CEP44: variants seen among roughly 807,000 people sequenced by gnomAD.
CEP44 encodes the protein centrosomal protein of 44 kDa.
In CEP44, 45 loss-of-function variants were observed where a neutral mutation model predicts 46.7. The observed-to-expected ratio is 0.96, with a 90% CI of 0.76 to 1.24. The LOEUF (loss-of-function observed/expected upper bound fraction) is 1.24, where lower values mean the gene tolerates loss of function less well. Ranked by LOEUF, CEP44 falls within the 50% of genes most tolerant of loss-of-function variation. The pLI is 0.00. For missense variants in CEP44, 475 were observed against 459.7 expected, an observed-to-expected ratio of 1.03 and a Z score of -0.30; for synonymous variants, 142 against 146.0, an observed-to-expected ratio of 0.97 and a Z score of 0.20.
chr4:174,321,749 A>C (rs1300452920), downstream of CEP44, among the ~76,000 whole-genome samples: 1 of 152,092 alleles, frequency 6.6e-6, no homozygotes, highest in African/African-American at 2.4e-5. Flanking sequence ...ATGGTCTTAC[A>C]AACTTTTTCT....
intron 1 of CEP44, among the ~76,000 whole-genome samples, chr4:174,295,352 C>T (rs919697549): frequency 4.8e-5 from 7 of 146,800 alleles, no homozygotes; most frequent in South Asian, 4.4e-4. Flanking sequence ...CCAGACGGGG[C>T]GGCAGGGGCA....
chr4:174,318,951 A>G lies in CEP44; in HGVS notation c.*1568A>G. 1 of 231,812 alleles carries G rather than the reference A, an allele frequency of 4.3e-6. No homozygotes were observed. The highest frequency in any genetic ancestry group is 7.1e-6 in the Non-Finnish European group (1 of 141,140). The allele number at this position is 231,812 out of a possible 1,614,324, so 14.4% of individuals were successfully genotyped here. The stretch of plus-strand genomic sequence containing the variant: ...CAGCCTCCTGAGTAGCTGGGACTAT[A>G]GGCCTGTACCGTCATGCCTGGCTAA... On this transcript the variant is annotated 3_prime_UTR_variant, in exon 12 of 12. Transcript: ENST00000503780.
chr4:174,300,992 G>C lies in CEP44; in HGVS notation c.90-1047G>C, dbSNP rs569301572. On this transcript the variant is annotated intron_variant, in intron 3 of 11. Coordinates refer to ENST00000503780, the MANE Select transcript of CEP44 (RefSeq NM_001040157.3). ...CTGTTTTTGGACTGTGTTTCAGATA[G>C]ACAAGGTTGCCAGAGGAGTTTTCTG... Among the ~76,000 whole-genome samples the C allele has an allele frequency of 2.0e-5, 3 of 151,986 alleles. No homozygotes were observed. In the South Asian group the frequency reaches 6.2e-4, roughly 32 times the overall value.
intron 1 of CEP44, among the ~76,000 whole-genome samples, chr4:174,294,160 C>A (rs886883496): frequency 2.0e-5 from 3 of 150,284 alleles, no homozygotes; most frequent in African/African-American, 7.3e-5. Context: ...GAACAAAGGT[C>A]TCTGGTTTTC....
rs747133994 is a variant in CEP44 at position 174,317,395 on chromosome 4, T to C, written c.*12T>C. On this transcript the variant is annotated 3_prime_UTR_variant, in exon 12 of 12. Transcript: ENST00000503780. ...ATCACTACTTGTAGGATTTTCTACA[T>C]GAACTTTTTTCTAGGACTTTGGTTA... 2 of 1,415,316 alleles carry C rather than the reference T, an allele frequency of 1.4e-6. No individual in the cohort carries two copies. Among genetic ancestry groups the C allele is most frequent in the Non-Finnish European group, 1.9e-6 (2 of 1,067,618 alleles). 87.7% of individuals were successfully genotyped at this position (1,415,316 alleles called of 1,614,324 possible). A position where few individuals can be genotyped will look rare whatever the true frequency, so the allele number is the denominator to read the frequency against.
intron 5 of CEP44, 21 bp from the exon 6 acceptor site, chr4:174,304,226 G>T: frequency 6.4e-7 from 1 of 1,569,684 alleles, no homozygotes; most frequent in South Asian, 1.2e-5. Context: ...TTGTTATTTT[G>T]ACTAATACCT....
rs1560919061 is a variant in CEP44 at position 174,318,094 on chromosome 4, G to A, written c.*711G>A. 7.1e-6 allele frequency: 7 copies of A among 981,874 alleles called. No homozygotes were observed. The highest frequency in any genetic ancestry group is 9.4e-5 in the South Asian group (2 of 21,228). 60.8% of individuals were successfully genotyped at this position (981,874 alleles called of 1,614,324 possible). Reference sequence around the variant, plus strand: ...TTTTTGGAGGGGGGGATGGAGTTTCGCTGTTGTTGCCCAGGCTGGAGTGCA... The same window carrying A: ...TTTTTGGAGGGGGGGATGGAGTTTCACTGTTGTTGCCCAGGCTGGAGTGCA... On this transcript the variant is annotated 3_prime_UTR_variant, in exon 12 of 12. Coordinates refer to ENST00000503780, the MANE Select transcript of CEP44 (RefSeq NM_001040157.3).
chr4:174,298,410 C>T (rs1475927095), intron 2 of CEP44, among the ~76,000 whole-genome samples: 3 of 151,782 alleles, frequency 2.0e-5, no homozygotes, highest in Non-Finnish European at 4.4e-5. Context: ...CTCCTGACCT[C>T]CTGATCCGCC....
Position 174,309,010 on chromosome 4 carries a change from G to T in CEP44, c.678+151G>T. On this transcript the variant is annotated intron_variant, in intron 7 of 11. Coordinates refer to ENST00000503780, the MANE Select transcript of CEP44 (RefSeq NM_001040157.3). This position sits in a 1 kb window ranked among gnomAD's most constrained non-coding sequence, Gnocchi z 5.3. ...GTTACAATTACTGAAGTGTCAATAA[G>T]TCTTACTAAAATAATTCAACAAATA... The T allele has an allele frequency of 1.3e-6, 1 of 748,470 alleles. No homozygotes were observed. Among genetic ancestry groups the T allele is most frequent in the South Asian group, 1.8e-5 (1 of 56,444 alleles). The allele number at this position is 748,470 out of a possible 1,614,324, so 46.4% of individuals were successfully genotyped here.
chr4:174,310,155 A>C lies in CEP44; in HGVS notation c.885+99A>C, dbSNP rs530691766. On this transcript the variant is annotated intron_variant, in intron 8 of 11. Coordinates refer to ENST00000503780, the MANE Select transcript of CEP44 (RefSeq NM_001040157.3). This position sits in a 1 kb window ranked among gnomAD's most constrained non-coding sequence, Gnocchi z 4.2. ...TTTTTTGGAAATGCTAAATATGAGAATATTTGAATAATGAGAAAATGTCTA... is the reference window on the plus strand; with the variant it reads ...TTTTTTGGAAATGCTAAATATGAGACTATTTGAATAATGAGAAAATGTCTA... The C allele has an allele frequency of 9.7e-7, 1 of 1,033,118 alleles. No individual in the cohort carries two copies. Among genetic ancestry groups the C allele is most frequent in the South Asian group, 1.7e-5 (1 of 58,290 alleles). The allele number at this position is 1,033,118 out of a possible 1,614,324, so 64.0% of individuals were successfully genotyped here.
chr4:174,297,477 T>G lies in CEP44; in HGVS notation c.-147-489T>G, dbSNP rs1560894461. On this transcript the variant is annotated intron_variant, in intron 1 of 11. Transcript: ENST00000503780. This position sits in a 1 kb window ranked among gnomAD's most constrained non-coding sequence, Gnocchi z 4.3. ...TATCAATAAGTGAGTTTGCTGCAGG[T>G]TTATTGGGCAAGACCTGCCCTTTTC... Among the ~76,000 whole-genome samples the G allele has an allele frequency of 6.6e-6, 1 of 152,122 alleles. No homozygotes were observed. The highest frequency in any genetic ancestry group is 6.6e-5 in the Admixed American group (1 of 15,260).
chr4:174,323,077 G>A (rs558717749), downstream of CEP44, among the ~76,000 whole-genome samples: 65 of 151,904 alleles, frequency 4.3e-4, no homozygotes, highest in Middle Eastern at 3.4e-3. Flanking sequence ...TCTGTTTGCG[G>A]CAATATGGCA....
chr4:174,321,210 T>C (rs183775159), downstream of CEP44, among the ~76,000 whole-genome samples: 25 of 152,278 alleles, frequency 1.6e-4, 1 homozygote, highest in East Asian at 4.2e-3. Flanking sequence ...GAAATATTAG[T>C]TTACATTCAC....
Position 174,317,446 on chromosome 4 carries a change from T to C in CEP44, c.*63T>C. ...CTATACATATTGTATATTTTAAGAATTCTTTATACAATTTTAATATACTGC... is the reference window on the plus strand; with the variant it reads ...CTATACATATTGTATATTTTAAGAACTCTTTATACAATTTTAATATACTGC... On this transcript the variant is annotated 3_prime_UTR_variant, in exon 12 of 12. Coordinates refer to ENST00000503780, the MANE Select transcript of CEP44 (RefSeq NM_001040157.3). 2 of 1,316,884 alleles carry C rather than the reference T, an allele frequency of 1.5e-6. No homozygotes were observed. The highest frequency in any genetic ancestry group is 9.9e-7 in the Non-Finnish European group (1 of 1,008,134). 81.6% of individuals were successfully genotyped at this position (1,316,884 alleles called of 1,614,324 possible). A position where few individuals can be genotyped will look rare whatever the true frequency, so the allele number is the denominator to read the frequency against.
chr4:174,323,851 A>G (rs1742485603), downstream of CEP44, among the ~76,000 whole-genome samples: 1 of 152,168 alleles, frequency 6.6e-6, no homozygotes, highest in Non-Finnish European at 1.5e-5. Flanking sequence ...GAACTGGACA[A>G]GAGCTGATCC....
rs900689561 is a variant in CEP44 at position 174,325,739 on chromosome 4, C to A, written c.1087-5743C>A. 1.3e-5 allele frequency among the ~76,000 whole-genome samples: 2 copies of A among 152,116 alleles called. No individual in the cohort carries two copies. Among genetic ancestry groups the A allele is most frequent in the Admixed American group, 6.6e-5 (1 of 15,260 alleles). On this transcript the variant is annotated intron_variant, in intron 8 of 8. Coordinates refer to the CEP44 transcript ENST00000426172. This position sits in a 1 kb window ranked among gnomAD's most constrained non-coding sequence, Gnocchi z 4.4. ...AAAACTTTTATTTTTTCTTTCAGTT[C>A]TATCATGTATTTTTAAACCTGTTTT... is the stretch of plus-strand genomic sequence containing the variant.
intron 1 of CEP44, among the ~76,000 whole-genome samples, chr4:174,294,197 G>T (rs1201922137): frequency 1.3e-5 from 2 of 151,146 alleles, no homozygotes; most frequent in Admixed American, 6.6e-5. Context: ...GCGGCCTTCC[G>T]CAGTGTTTGT....
chr4:174,304,202 C>G (rs573393943), intron 5 of CEP44, 45 bp from the exon 6 acceptor site: 1 of 1,545,858 alleles, frequency 6.5e-7, no homozygotes, highest in South Asian at 1.3e-5. Context: ...TATAATTATG[C>G]TTTCACACAA....
chr4:174,296,067 T>A (rs541777971), intron 1 of CEP44, among the ~76,000 whole-genome samples: 100 of 152,342 alleles, frequency 6.6e-4, no homozygotes, highest in African/African-American at 2.4e-3. Context: ...TACCTTGCTT[T>A]AGTATAGAAT....
Sources: gnomAD v4.1 joint callset for allele counts (sites outside exome capture counted in the v4.1 genomes callset) on GRCh38, gnomAD v4.1.1 for gene constraint, Gnocchi (gnomAD v3.1) non-coding constraint, MANE v1.5 for transcripts, NCBI Gene and HGNC (gene_info 2026-07-23, HGNC 2026-07-21) for gene names.